GRM5: variants seen among roughly 807,000 people sequenced by gnomAD.
The protein encoded by GRM5 is metabotropic glutamate receptor 5.
A neutral mutation model predicts 83.1 loss-of-function variants in GRM5; 19 were observed. The observed-to-expected ratio is 0.23, with a 90% CI of 0.16 to 0.34. GRM5 has a LOEUF of 0.34. GRM5 is among the 10% of genes least tolerant of loss of function. GRM5 has a pLI of 1.00. For missense variants in GRM5, 1,160 were observed against 1,588.3 expected (o/e 0.73, Z 4.58); for synonymous variants, 675 against 633.6 (o/e 1.07, Z -0.98).
At chr11:88,640,209 G>T (rs191025839) in intron 4 of GRM5, among the ~76,000 whole-genome samples, 141 of 152,256 alleles carry the variant, frequency 9.3e-4, no homozygotes, top group African/African-American at 3.3e-3. Context: ...CTGATATGAA[G>T]ACACAAATGG....
chr11:88,552,177 A>T (rs1252909664), intron 8 of GRM5, among the ~76,000 whole-genome samples: 1 of 151,922 alleles, frequency 6.6e-6, no homozygotes, highest in Non-Finnish European at 1.5e-5. Context: ...GCTGTCTGTC[A>T]CCACATCTAG....
intron 8 of GRM5, among the ~76,000 whole-genome samples, chr11:88,531,053 G>C (rs1007649477): frequency 6.6e-6 from 1 of 152,080 alleles, no homozygotes; most frequent in African/African-American, 2.4e-5. Flanking sequence ...AGTTATAAAT[G>C]AAGCTAAAAG....
intron 1 of GRM5, among the ~76,000 whole-genome samples, chr11:89,050,018 T>C (rs1047871085): frequency 2.0e-5 from 3 of 152,210 alleles, no homozygotes; most frequent in African/African-American, 7.2e-5. Context: ...CGACTCATTT[T>C]TTATGTAAGA....
chr11:88,722,763 A>T (rs1941578178), intron 3 of GRM5, among the ~76,000 whole-genome samples: 1 of 152,198 alleles, frequency 6.6e-6, no homozygotes, highest in South Asian at 2.1e-4. Flanking sequence ...CAGAAAACAC[A>T]GATTTCCCAT....
At position 88,624,470 on chromosome 11, in the gene GRM5, A is replaced by G. The variant is rs1014219173; in HGVS notation, c.1148-19506T>C. Among the ~76,000 whole-genome samples, 6 of 152,228 alleles carry G rather than the reference A, an allele frequency of 3.9e-5. 1 individual carries two copies. The highest frequency in any genetic ancestry group is 3.3e-4 in the Admixed American group (5 of 15,276). The stretch of plus-strand genomic sequence containing the variant: ...TACTCATGTATGTACTCCAAAGAGA[A>G]TGATAAATATGGGAGGAAGGAACAA... On this transcript the variant is annotated intron_variant, in intron 4 of 9. Transcript: ENST00000305447.
intron 3 of GRM5, among the ~76,000 whole-genome samples, chr11:88,707,423 C>G (rs16914630): frequency 0.018 from 2,705 of 152,216 alleles, 68 homozygotes; most frequent in East Asian, 0.099. Context: ...TGCATAACTA[C>G]TCCACTTCTC....
At chr11:88,700,755 C>T (rs1941013881) in intron 3 of GRM5, among the ~76,000 whole-genome samples, 1 of 152,006 alleles carries the variant, frequency 6.6e-6, no homozygotes, top group Admixed American at 6.6e-5. Context: ...TAGATGGGAC[C>T]CACTGGTCCT....
intron 2 of GRM5, among the ~76,000 whole-genome samples, chr11:88,995,768 G>C (rs1444691116): frequency 4.6e-5 from 7 of 152,022 alleles, no homozygotes; most frequent in African/African-American, 1.4e-4. Context: ...ATGGTATATA[G>C]GTTGTATCAG....
intron 8 of GRM5, among the ~76,000 whole-genome samples, chr11:88,560,741 A>G (rs545708024): frequency 6.6e-6 from 1 of 152,258 alleles, no homozygotes; most frequent in Admixed American, 6.5e-5. Flanking sequence ...GCTAGGCACC[A>G]AGGGAGATAT....
rs865915667 is a variant in GRM5, at chr11:88,704,939, C to T, written c.912-51536G>A. ...CATATTGTTTGCATAAACTCTCCCT[C>T]TACCTCTTTTCCTTTATTTTGTAAT... On this transcript the variant is annotated intron_variant, in intron 3 of 9. Coordinates refer to ENST00000305447, the MANE Select transcript of GRM5 (RefSeq NM_001143831.3). Among the ~76,000 whole-genome samples the T allele has an allele frequency of 3.4e-4, 52 of 152,148 alleles. No homozygotes were observed. In the Middle Eastern group the frequency reaches 0.017, roughly 50 times the overall value.
In GRM5 at chr11:88,524,506, A is replaced by G. The variant is rs78792686; in HGVS notation, c.2726+803T>C. ...GTGTTGGGATTACAGGCGTGAGCCA[A>G]TGCGCCCGGCCCCAGGGCCCTTTTC... On this transcript the variant is annotated intron_variant, in intron 9 of 9. Transcript: ENST00000305447. 6.9e-3 allele frequency among the ~76,000 whole-genome samples: 1,037 copies of G among 150,724 alleles called. 14 individuals are homozygous for G. The highest frequency in any genetic ancestry group is 0.024 in the African/African-American group (981 of 41,032).
chr11:88,825,145 T>C (rs965372864), intron 3 of GRM5, among the ~76,000 whole-genome samples: 1 of 152,180 alleles, frequency 6.6e-6, no homozygotes, highest in African/African-American at 2.4e-5. Context: ...TTTTATTACC[T>C]ATCTGATGGC....
chr11:88,775,900 G>A (rs1027671397), intron 3 of GRM5, among the ~76,000 whole-genome samples: 3 of 105,666 alleles, frequency 2.8e-5, no homozygotes, highest in Admixed American at 8.6e-5. Context: ...GTGTTGCTGA[G>A]AAGACTGTGT....
chr11:88,822,993 G>C (rs1943828324), intron 3 of GRM5, among the ~76,000 whole-genome samples: 1 of 151,912 alleles, frequency 6.6e-6, no homozygotes, highest in Admixed American at 6.6e-5. Context: ...CTTAAAACAT[G>C]ATTTTAATAA....
At chr11:88,948,790 G>GA (rs1352623671) in intron 2 of GRM5, among the ~76,000 whole-genome samples, 1 of 152,124 alleles carries the variant, frequency 6.6e-6, no homozygotes, top group East Asian at 1.9e-4. Flanking sequence ...AGTTAATTAT[G>GA]AAAACAATTC....
At chr11:88,836,527 C>T (rs747239839) in intron 3 of GRM5, among the ~76,000 whole-genome samples, 15 of 152,194 alleles carry the variant, frequency 9.9e-5, no homozygotes, top group Non-Finnish European at 1.5e-4. Context: ...AGGCCAGGCG[C>T]GGTGGCTTAT....
At chr11:88,706,915 C>A (rs113174066) in intron 3 of GRM5, among the ~76,000 whole-genome samples, 1 of 151,990 alleles carries the variant, frequency 6.6e-6, no homozygotes, top group African/African-American at 2.4e-5. Context: ...TTGAAGTTGA[C>A]GATCTTATAT....
At chr11:88,536,345 C>A (rs1273913297) in intron 8 of GRM5, among the ~76,000 whole-genome samples, 1 of 152,000 alleles carries the variant, frequency 6.6e-6, no homozygotes. Flanking sequence ...GTGACAGATC[C>A]ATATACAAGT....
chr11:88,636,394 C>A (rs1470785860), intron 4 of GRM5, among the ~76,000 whole-genome samples: 1 of 152,034 alleles, frequency 6.6e-6, no homozygotes, highest in Admixed American at 6.6e-5. Context: ...CTCCTGTAAT[C>A]CCAGATACTC....
Sources: allele counts gnomAD v4.1 joint callset (sites outside exome capture counted in the v4.1 genomes callset), GRCh38; gene constraint gnomAD v4.1.1; transcripts MANE v1.5; gene names NCBI Gene and HGNC (gene_info 2026-07-23, HGNC 2026-07-21).